PCDHGA2: variants seen among roughly 807,000 people sequenced by gnomAD.
PCDHGA2 encodes protocadherin gamma-A2.
A neutral mutation model predicts 59.2 loss-of-function variants in PCDHGA2; 40 were observed. The observed-to-expected ratio is 0.68, with a 90% confidence interval of 0.52 to 0.88. The LOEUF (loss-of-function observed/expected upper bound fraction) is 0.88. PCDHGA2 is among the 40% of genes least tolerant of loss of function. The pLI is 0.00. For synonymous variants in PCDHGA2, 560 were observed against 526.0 expected (o/e 1.06, Z -0.89); for missense variants, 1,226 against 1,204.0 (o/e 1.02, Z -0.27).
intron 1 of PCDHGA2, chr5:141,418,567 T>C: frequency 6.2e-7 from 1 of 1,614,014 alleles, no homozygotes; most frequent in Non-Finnish European, 8.5e-7. Flanking sequence ...TAGATGCCAA[T>C]GACAACCCCC....
intron 1 of PCDHGA2, among the ~76,000 whole-genome samples, chr5:141,368,581 G>A (rs1407306401): frequency 6.6e-6 from 1 of 152,066 alleles, no homozygotes; most frequent in Non-Finnish European, 1.5e-5. Flanking sequence ...TTAGGGTAAG[G>A]TGTTTGGGAA....
At chr5:141,461,501 T>A (rs113852528) in intron 1 of PCDHGA2, among the ~76,000 whole-genome samples, 4 of 152,310 alleles carry the variant, frequency 2.6e-5, no homozygotes, top group South Asian at 2.1e-4. Context: ...TTATTTTTCT[T>A]GGTGATTTGT....
At chr5:141,421,278 G>A (rs764787116) in intron 1 of PCDHGA2, 1 of 1,612,872 alleles carries the variant, frequency 6.2e-7, no homozygotes, top group African/African-American at 1.3e-5. Flanking sequence ...TGCTGCTGCT[G>A]TGCATTTTCC....
rs374181150 is a variant in PCDHGA2, at chr5:141,477,134, G to C, written c.2425-17673G>C. The C allele has an allele frequency of 2.5e-5, 41 of 1,614,092 alleles. No homozygotes were observed. Among genetic ancestry groups the C allele is most frequent in the Non-Finnish European group, 3.4e-5 (40 of 1,180,056 alleles). ...CGAAGGAGCACATTGCAAAGTGTTG[G>C]TGGAGGTTGTGGATGTGAATGACAA... is the stretch of plus-strand genomic sequence containing the variant. On this transcript the variant is annotated intron_variant, in intron 1 of 3. Coordinates refer to ENST00000394576, the MANE Select transcript of PCDHGA2 (RefSeq NM_018915.4). The surrounding 1 kb of genome is among the most constrained non-coding windows in gnomAD (Gnocchi z 4.9).
intron 1 of PCDHGA2, among the ~76,000 whole-genome samples, chr5:141,459,812 A>G (rs1390780491): frequency 1.3e-5 from 2 of 152,232 alleles, no homozygotes; most frequent in South Asian, 2.1e-4. Context: ...GACTAGAGAC[A>G]CTGAGCAACT....
At chr5:141,389,118 C>T in intron 1 of PCDHGA2, 1 of 1,614,006 alleles carries the variant, frequency 6.2e-7, no homozygotes, top group Non-Finnish European at 8.5e-7. Context: ...AGACCGCGAG[C>T]AGAATCCAGA....
intron 1 of PCDHGA2, chr5:141,402,830 G>A: frequency 7.4e-7 from 1 of 1,346,490 alleles, no homozygotes; most frequent in Non-Finnish European, 9.8e-7. Flanking sequence ...CTCCCAGGCT[G>A]CAGCAAAACT....
In PCDHGA2 at chr5:141,338,884, G is replaced by T; in HGVS notation, c.-88G>T. 6.8e-7 allele frequency: 1 copy of T among 1,462,968 alleles called. No individual in the cohort carries two copies. Among genetic ancestry groups the T allele is most frequent in the Non-Finnish European group, 9.0e-7 (1 of 1,108,438 alleles). 90.6% of individuals were successfully genotyped at this position (1,462,968 alleles called of 1,614,324 possible). ...CCATAGGGACCTGGGTCCCGTGAAT[G>T]CTGGTTATCTCACACCCTGAGGAAT... On this transcript the variant is annotated 5_prime_UTR_variant, in exon 1 of 4. It removes an upstream start codon present in the reference 5' UTR. Coordinates refer to ENST00000394576, the MANE Select transcript of PCDHGA2 (RefSeq NM_018915.4).
chr5:141,347,669 C>T (rs998116110), intron 1 of PCDHGA2, among the ~76,000 whole-genome samples: 2 of 151,816 alleles, frequency 1.3e-5, no homozygotes, highest in Admixed American at 1.3e-4. Flanking sequence ...CGCCTGTAAT[C>T]CAAGCTACTT....
Position 141,491,732 on chromosome 5 carries a change from C to G in PCDHGA2, c.2425-3075C>G. ...GGCTCGGCGCCGCCCCGGGCGACCC[C>G]TGGGGGCGGCACTGGAGAAGCCGCC... On this transcript the variant is annotated intron_variant, in intron 1 of 3. Coordinates refer to ENST00000394576, the MANE Select transcript of PCDHGA2 (RefSeq NM_018915.4). This position sits in a 1 kb window ranked among gnomAD's most constrained non-coding sequence, Gnocchi z 6.9. The G allele has an allele frequency of 1.2e-6, 2 of 1,602,752 alleles. No individual in the cohort carries two copies. Among genetic ancestry groups the G allele is most frequent in the Non-Finnish European group, 1.7e-6 (2 of 1,175,308 alleles).
intron 1 of PCDHGA2, 82 bp from the exon 2 acceptor site, chr5:141,494,725 C>T: frequency 6.2e-7 from 1 of 1,610,026 alleles, no homozygotes; most frequent in Middle Eastern, 1.7e-4. Context: ...CCCTCCTTCT[C>T]TCCCGGCCCA....
rs758409280 is a variant in PCDHGA2, at chr5:141,366,109, G to A, written c.2424+24714G>A. ...GCTACCTGGTGACCAAGGTGGTAGC[G>A]GTGGACAAAGATTCAGGCCAGAACG... On this transcript the variant is annotated intron_variant, in intron 1 of 3. Transcript: ENST00000394576. 1.4e-5 allele frequency: 23 copies of A among 1,614,104 alleles called. No individual in the cohort carries two copies. The Admixed American group carries it at 2.2e-4, about 15-fold the overall frequency.
At chr5:141,358,811 G>A (rs760688230) in intron 1 of PCDHGA2, among the ~76,000 whole-genome samples, 8 of 152,108 alleles carry the variant, frequency 5.3e-5, no homozygotes, top group Non-Finnish European at 1.0e-4. Context: ...TATGATTTAC[G>A]CTGCTTAGTA....
At position 141,478,147 on chromosome 5, in the gene PCDHGA2, C is replaced by T. The variant is rs199689679; in HGVS notation, c.2425-16660C>T. On this transcript the variant is annotated intron_variant, in intron 1 of 3. Transcript: ENST00000394576. The stretch of plus-strand genomic sequence containing the variant: ...ACTCTCCTGAAGCCCGAGCCGAGTT[C>T]CCCTCTGGCTCTGCCCCCCGGGAGC... The T allele has an allele frequency of 2.0e-5, 32 of 1,614,076 alleles. 1 individual carries two copies. In the East Asian group the frequency reaches 5.3e-4, roughly 27 times the overall value.
At chr5:141,367,353 A>G (rs1305190265) in intron 1 of PCDHGA2, 2 of 152,196 alleles carry the variant, frequency 1.3e-5, no homozygotes, top group Non-Finnish European at 2.9e-5. Context: ...CCTGGCTAAC[A>G]CGGTGAAACC....
At chr5:141,405,083 C>T in intron 1 of PCDHGA2, 1 of 1,613,942 alleles carries the variant, frequency 6.2e-7, no homozygotes, top group Non-Finnish European at 8.5e-7. Flanking sequence ...CGTTATCACG[C>T]TGCTGGCCCT....
At chr5:141,390,865 T>C (rs982852872) in intron 1 of PCDHGA2, 3 of 151,096 alleles carry the variant, frequency 2.0e-5, no homozygotes, top group Non-Finnish European at 2.9e-5. Context: ...ACGCTGTGTG[T>C]GCGTGTGTGT....
chr5:141,396,908 C>CA (rs1453541436), intron 1 of PCDHGA2, among the ~76,000 whole-genome samples: 1 of 152,146 alleles, frequency 6.6e-6, no homozygotes, highest in African/African-American at 2.4e-5. Flanking sequence ...TGGCACTTTG[C>CA]AATTTTAAAA....
At position 141,410,109 on chromosome 5, in the gene PCDHGA2, A is replaced by T. The variant is rs771550139; in HGVS notation, c.2424+68714A>T. On this transcript the variant is annotated intron_variant, in intron 1 of 3. Transcript: ENST00000394576. ...ACGGCTCGAGCCTTAGGCGACAGGG[A>T]CGCAGCCCGCCAGCGCCTGCTGGTC... is the stretch of plus-strand genomic sequence containing the variant. 9.9e-6 allele frequency: 16 copies of T among 1,612,380 alleles called. 1 individual carries two copies. The South Asian group carries it at 1.6e-4, about 17-fold the overall frequency.
Sources: allele counts gnomAD v4.1 joint callset (sites outside exome capture counted in the v4.1 genomes callset), GRCh38; gene constraint gnomAD v4.1.1; non-coding constraint Gnocchi (gnomAD v3.1); transcripts MANE v1.5; gene names NCBI Gene and HGNC (gene_info 2026-07-23, HGNC 2026-07-21).